The following ZSWIM2 variants were observed in gnomAD, a reference collection of about 807,000 sequenced individuals.
ZSWIM2 encodes E3 ubiquitin-protein ligase ZSWIM2.
A neutral mutation model predicts 48.4 loss-of-function variants in ZSWIM2; 38 were observed. That is an observed-to-expected ratio of 0.79 (90% CI 0.61 to 1.03). ZSWIM2 has a LOEUF of 1.03. Ranked by LOEUF, ZSWIM2 falls within the 50% of genes least tolerant of loss-of-function variation. The pLI, the probability that ZSWIM2 is intolerant of heterozygous loss-of-function variation, is 0.00. For missense variants in ZSWIM2, 776 were observed against 730.2 expected (o/e 1.06, Z -0.72); for synonymous variants, 240 against 251.3 (o/e 0.96, Z 0.42).
intron 4 of ZSWIM2, among the ~76,000 whole-genome samples, chr2:186,838,741 GATATT>G: frequency 7.1e-6 from 1 of 141,516 alleles, no homozygotes; most frequent in South Asian, 2.2e-4. Context: ...ATATATTATA[GATATT>G]ATATTTATAT....
intron 5 of ZSWIM2, among the ~76,000 whole-genome samples, 192 bp from the exon 6 acceptor site, chr2:186,834,222 A>G (rs972401407): frequency 6.6e-6 from 1 of 152,132 alleles, no homozygotes; most frequent in Non-Finnish European, 1.5e-5. Context: ...AACTGCACAA[A>G]TGTATTATCT....
chr2:186,833,878 T>G lies in ZSWIM2; in HGVS notation c.828+68A>C, dbSNP rs931491123. On this transcript the variant is annotated intron_variant, in intron 6 of 8. Transcript: ENST00000295131. ...ACAGTGTTATGTATTCTTCTTATTC[T>G]TACACTGACTTAGCTCTACAACAGG... is the stretch of plus-strand genomic sequence containing the variant. 7.7e-6 allele frequency: 10 copies of G among 1,291,312 alleles called. No homozygotes were observed. The Admixed American group carries it at 1.2e-4, about 16-fold the overall frequency. 80.0% of individuals were successfully genotyped at this position (1,291,312 alleles called of 1,614,324 possible).
chr2:186,833,078 A>C (rs774352704), intron 7 of ZSWIM2, 42 bp downstream of exon 7: 1 of 866,702 alleles, frequency 1.2e-6, no homozygotes, highest in Middle Eastern at 2.9e-4. Flanking sequence ...TTATTCAAAG[A>C]TTCTGTCATA....
intron 1 of ZSWIM2, among the ~76,000 whole-genome samples, chr2:186,848,416 T>C (rs998836502): frequency 6.6e-6 from 1 of 152,220 alleles, no homozygotes; most frequent in African/African-American, 2.4e-5. Flanking sequence ...GGATGGGATA[T>C]GCAATTATGA....
At chr2:186,837,258 A>G (rs777458756) in intron 5 of ZSWIM2, 48 bp downstream of exon 5, 5 of 1,593,418 alleles carry the variant, frequency 3.1e-6, no homozygotes, top group African/African-American at 1.4e-5. Context: ...TTCCTGATGT[A>G]AAAAAATAAA....
chr2:186,846,845 C>A (rs1692013231), intron 2 of ZSWIM2, among the ~76,000 whole-genome samples: 1 of 135,984 alleles, frequency 7.4e-6, no homozygotes. Context: ...AGAACTCAGC[C>A]ATAAAAATTA....
At chr2:186,845,810 A>G (rs1691987644) in intron 2 of ZSWIM2, among the ~76,000 whole-genome samples, 2 of 151,798 alleles carry the variant, frequency 1.3e-5, no homozygotes, top group South Asian at 4.1e-4. Flanking sequence ...CAGATTTAAT[A>G]GACATAATCT....
At chr2:186,832,902 A>G (rs1691728344) in intron 7 of ZSWIM2, among the ~76,000 whole-genome samples, 1 of 152,212 alleles carries the variant, frequency 6.6e-6, no homozygotes, top group Admixed American at 6.5e-5. Flanking sequence ...TAACTAGTCC[A>G]CAAGCCACAT....
chr2:186,833,608 A>G (rs79983545), intron 6 of ZSWIM2, among the ~76,000 whole-genome samples: 4,348 of 152,232 alleles, frequency 0.029, 205 homozygotes, highest in African/African-American at 0.099. Flanking sequence ...AAAATCATAA[A>G]TGTTTTGGTT....
At chr2:186,832,969 C>A (rs1034251236) in intron 7 of ZSWIM2, 151 bp downstream of exon 7, 2 of 339,240 alleles carry the variant, frequency 5.9e-6, no homozygotes, top group Non-Finnish European at 1.1e-5. Flanking sequence ...TACAGCCCTG[C>A]TCTTCAACTG....
chr2:186,848,912 G>A (rs1479077309), intron 1 of ZSWIM2, 54 bp downstream of exon 1: 1 of 1,606,990 alleles, frequency 6.2e-7, no homozygotes, highest in Non-Finnish European at 8.5e-7. Context: ...GCCAGTGGGG[G>A]AACCTGGTGG....
chr2:186,833,067 G>T, intron 7 of ZSWIM2, 53 bp downstream of exon 7: 1 of 757,028 alleles, frequency 1.3e-6, no homozygotes, highest in Admixed American at 3.5e-5. Context: ...AAATTGAGAA[G>T]TTATTCAAAG....
At chr2:186,845,193 A>G (rs1045824680) in intron 2 of ZSWIM2, among the ~76,000 whole-genome samples, 2 of 151,334 alleles carry the variant, frequency 1.3e-5, no homozygotes, top group African/African-American at 2.4e-5. Flanking sequence ...TTTAAATTTT[A>G]CCAATAAAAT....
intron 8 of ZSWIM2, among the ~76,000 whole-genome samples, chr2:186,829,110 C>G (rs1691651239): frequency 1.3e-5 from 2 of 151,918 alleles, no homozygotes; most frequent in Admixed American, 6.6e-5. Flanking sequence ...AAGTCATAAC[C>G]AACTGGGGTT....
rs1691639896 is a variant in ZSWIM2, at chr2:186,828,528, T to C, written c.1358A>G (p.Asn453Ser). 1 of 1,613,526 alleles carries C rather than the reference T, an allele frequency of 6.2e-7. No individual in the cohort carries two copies. Among genetic ancestry groups the C allele is most frequent in the Admixed American group, 1.7e-5 (1 of 59,944 alleles). The change falls in exon 9 of 9, where the codon AAT (asparagine) becomes AGT (serine). Residue 453 changes from asparagine to serine, a missense_variant. Asn to Ser is a conservative substitution (Grantham distance 46, BLOSUM62 1). Transcript: ENST00000295131. ...SIPQCNFDEL[N>S]TPQSPKDAYE... ...GGCATCTTTTGGGCTTTGAGGTGTATTCAATTCATCAAAATTACACTGAGG... is the reference window on the plus strand; with the variant it reads ...GGCATCTTTTGGGCTTTGAGGTGTACTCAATTCATCAAAATTACACTGAGG...
At chr2:186,846,485 A>G (rs1692004631) in intron 2 of ZSWIM2, among the ~76,000 whole-genome samples, 1 of 151,776 alleles carries the variant, frequency 6.6e-6, no homozygotes, top group African/African-American at 2.4e-5. Context: ...AAAACAACAA[A>G]TGTCGATAAG....
chr2:186,838,664 C>T (rs920758729), intron 4 of ZSWIM2, among the ~76,000 whole-genome samples: 3 of 147,426 alleles, frequency 2.0e-5, no homozygotes, highest in African/African-American at 7.4e-5. Context: ...TATATACACA[C>T]ACATATATAT....
Position 186,848,864 on chromosome 2 carries a change from C to A in ZSWIM2, c.165+102G>T, listed in dbSNP as rs1360401947. ...CTTTCGGGGGTGAGGCAGCAAGTATCCGCAGAGATTGTGATGGTGGCTACG... is the reference window on the plus strand; with the variant it reads ...CTTTCGGGGGTGAGGCAGCAAGTATACGCAGAGATTGTGATGGTGGCTACG... On this transcript the variant is annotated intron_variant, in intron 1 of 8. Transcript: ENST00000295131. 6.8e-6 allele frequency: 10 copies of A among 1,476,810 alleles called. No individual in the cohort carries two copies. The South Asian group carries it at 1.2e-4, about 18-fold the overall frequency. 91.5% of individuals were successfully genotyped at this position (1,476,810 alleles called of 1,614,324 possible).
At position 186,828,244 on chromosome 2, in the gene ZSWIM2, A is replaced by G; in HGVS notation, c.1642T>C (p.Cys548Arg). 1 of 1,613,648 alleles carries G rather than the reference A, an allele frequency of 6.2e-7. No individual in the cohort carries two copies. Residue 548 changes from cysteine (C) to arginine (R), a missense_variant, in exon 9 of 9, where the codon TGT (cysteine) becomes CGT (arginine). Physicochemically the swap from Cys to Arg is radical, Grantham distance 180. Coordinates refer to ENST00000295131, the MANE Select transcript of ZSWIM2 (RefSeq NM_182521.3). The part of the protein sequence containing the change: ...HTSLSRMTKG[C>R]KCNNHNLKKT... ...TTTAGGTTGTGGTTATTACATTTAC[A>G]GCCTTTGGTCATCCGGCTTAGACTA... is the stretch of plus-strand genomic sequence containing the variant.
Sources: gnomAD v4.1 joint callset for allele counts (sites outside exome capture counted in the v4.1 genomes callset) on GRCh38, gnomAD v4.1.1 for gene constraint, MANE v1.5 for transcripts, NCBI Gene and HGNC (gene_info 2026-07-23, HGNC 2026-07-21) for gene names.